Variants in SCAPER observed in about 807,000 individuals in gnomAD.
The protein encoded by SCAPER is S phase cyclin A-associated protein in the endoplasmic reticulum.
In SCAPER, 98 loss-of-function variants were observed where a neutral mutation model predicts 182.2. The ratio of observed to expected loss-of-function variants is 0.54; its 90% CI spans 0.46 to 0.64. The LOEUF (loss-of-function observed/expected upper bound fraction) is 0.64. Among genes scored for constraint, SCAPER ranks in the 30% least tolerant of loss-of-function variants. The pLI is 0.00. For synonymous variants in SCAPER, 605 were observed against 564.6 expected (o/e 1.07, Z -1.01); for missense variants, 1,432 against 1,690.0 (o/e 0.85, Z 2.68).
At chr15:76,843,481 C>G (rs1461976011) in intron 4 of SCAPER, among the ~76,000 whole-genome samples, 2 of 152,156 alleles carry the variant, frequency 1.3e-5, no homozygotes, top group Non-Finnish European at 1.5e-5. Context: ...CTTTCAATTT[C>G]TGCTCCAATG....
intron 8 of SCAPER, among the ~76,000 whole-genome samples, chr15:76,782,009 T>C (rs1375850941): frequency 6.6e-6 from 1 of 152,160 alleles, no homozygotes; most frequent in Non-Finnish European, 1.5e-5. Flanking sequence ...GTTAACATCA[T>C]AATGACAGGA....
At chr15:76,697,278 T>C (rs1294957864) in intron 20 of SCAPER, among the ~76,000 whole-genome samples, 1 of 152,164 alleles carries the variant, frequency 6.6e-6, no homozygotes, top group Non-Finnish European at 1.5e-5. Flanking sequence ...TCATATGCTA[T>C]ATTATACACT....
chr15:76,783,181 T>C (rs994186597), intron 8 of SCAPER, among the ~76,000 whole-genome samples: 2 of 151,326 alleles, frequency 1.3e-5, no homozygotes, highest in Non-Finnish European at 2.9e-5. Flanking sequence ...ATAGACACAA[T>C]AAAAAATGAT....
At chr15:76,608,101 TAG>T (rs2050620073) in intron 22 of SCAPER, among the ~76,000 whole-genome samples, 2 of 152,338 alleles carry the variant, frequency 1.3e-5, no homozygotes, top group Non-Finnish European at 2.9e-5. Flanking sequence ...CTCTGATTTT[TAG>T]AGTTTCCAGT....
chr15:76,611,740 T>A (rs1236985987), intron 22 of SCAPER, among the ~76,000 whole-genome samples: 1 of 152,152 alleles, frequency 6.6e-6, no homozygotes, highest in Non-Finnish European at 1.5e-5. Context: ...AAAAAGCTTA[T>A]CTACCATGAT....
chr15:76,453,375 T>A (rs1291151597), intron 25 of SCAPER, among the ~76,000 whole-genome samples: 2 of 152,236 alleles, frequency 1.3e-5, no homozygotes, highest in Admixed American at 1.3e-4. Flanking sequence ...TTCTAATTAG[T>A]TGTCATGTCT....
intron 20 of SCAPER, among the ~76,000 whole-genome samples, chr15:76,685,780 T>G (rs1317113305): frequency 6.6e-6 from 1 of 151,958 alleles, no homozygotes; most frequent in Non-Finnish European, 1.5e-5. Context: ...AACAAGTTTC[T>G]TAAGTAAGAT....
chr15:76,548,390 T>C (rs1464707472), intron 23 of SCAPER, among the ~76,000 whole-genome samples: 1 of 152,176 alleles, frequency 6.6e-6, no homozygotes, highest in Non-Finnish European at 1.5e-5. Context: ...GGATTTGACA[T>C]TTTCGGCGAT....
intron 23 of SCAPER, among the ~76,000 whole-genome samples, chr15:76,537,369 G>A (rs528510987): frequency 1.3e-5 from 2 of 152,230 alleles, no homozygotes; most frequent in Admixed American, 1.3e-4. Context: ...CCAAAACAGA[G>A]ATACAGATCA....
At chr15:76,788,490 T>C (rs935240905) in intron 8 of SCAPER, among the ~76,000 whole-genome samples, 14 of 152,118 alleles carry the variant, frequency 9.2e-5, no homozygotes, top group Admixed American at 7.9e-4. Context: ...TACCATCACA[T>C]GAATCACTAA....
chr15:76,688,564 TTTC>T (rs1255885074), intron 20 of SCAPER, among the ~76,000 whole-genome samples: 1 of 152,292 alleles, frequency 6.6e-6, no homozygotes. Flanking sequence ...TTTTTATGGT[TTTC>T]TTATTTTTAA....
chr15:76,504,725 A>G, intron 24 of SCAPER, 134 bp downstream of exon 24: 1 of 646,692 alleles, frequency 1.5e-6, no homozygotes, highest in Non-Finnish European at 2.5e-6. Context: ...TTTTCTCCCT[A>G]ATGGGGAGTG....
At chr15:76,868,695 T>C (rs1415836087) in intron 2 of SCAPER, among the ~76,000 whole-genome samples, 1 of 151,972 alleles carries the variant, frequency 6.6e-6, no homozygotes, top group African/African-American at 2.4e-5. Context: ...AGAATACTAT[T>C]AAAACAACAC....
chr15:76,660,279 A>T (rs1597993699), intron 21 of SCAPER, among the ~76,000 whole-genome samples: 1 of 152,308 alleles, frequency 6.6e-6, no homozygotes, highest in East Asian at 1.9e-4. Flanking sequence ...AAAACAACCT[A>T]TTGGTTACTA....
chr15:76,781,908 C>A (rs1486763597), intron 8 of SCAPER, among the ~76,000 whole-genome samples: 1 of 152,168 alleles, frequency 6.6e-6, no homozygotes, highest in East Asian at 1.9e-4. Flanking sequence ...TGGAAAAGAA[C>A]AACCAGTACC....
intron 4 of SCAPER, among the ~76,000 whole-genome samples, chr15:76,856,075 G>T (rs998801754): frequency 2.0e-5 from 3 of 152,112 alleles, no homozygotes; most frequent in Non-Finnish European, 4.4e-5. Flanking sequence ...ATATATGATG[G>T]AATACTATGT....
intron 25 of SCAPER, among the ~76,000 whole-genome samples, chr15:76,452,529 ATG>A (rs1665763905): frequency 6.6e-6 from 1 of 152,332 alleles, no homozygotes; most frequent in East Asian, 1.9e-4. Context: ...AGGATTTTAA[ATG>A]TGTTTCAGTG....
chr15:76,830,278 A>C (rs2068351389), intron 5 of SCAPER, among the ~76,000 whole-genome samples: 2 of 152,196 alleles, frequency 1.3e-5, no homozygotes, highest in South Asian at 4.1e-4. Flanking sequence ...CAAGATCCTT[A>C]ACATCACCAT....
chr15:76,780,288 C>A (rs1360819440), intron 8 of SCAPER, among the ~76,000 whole-genome samples: 2 of 152,266 alleles, frequency 1.3e-5, no homozygotes, highest in African/African-American at 4.8e-5. Flanking sequence ...GCGCAGCAGT[C>A]TGAGATCCAC....
Sources: gnomAD v4.1 joint callset for allele counts (sites outside exome capture counted in the v4.1 genomes callset) on GRCh38, gnomAD v4.1.1 for gene constraint, MANE v1.5 for transcripts, NCBI Gene and HGNC (gene_info 2026-07-23, HGNC 2026-07-21) for gene names.